Variants in MED13L observed in about 807,000 individuals in gnomAD.
MED13L encodes mediator of RNA polymerase II transcription subunit 13-like.
Under a neutral mutation model 220.9 loss-of-function variants are expected in MED13L, and 7 were observed. The ratio of observed to expected loss-of-function variants is 0.03; its 90% confidence interval spans 0.02 to 0.06. The LOEUF (loss-of-function observed/expected upper bound fraction) is 0.06. Among genes scored for constraint, MED13L ranks in the 10% least tolerant of loss-of-function variants. The probability of loss-of-function intolerance (pLI) is 1.00; values close to 1 mark genes in which losing one functional copy is unlikely to be tolerated. For missense variants in MED13L, 1,965 were observed against 2,760.5 expected, an observed-to-expected ratio of 0.71 and a Z score of 6.46; for synonymous variants, 1,011 against 1,015.2, an observed-to-expected ratio of 1.00 and a Z score of 0.08.
At chr12:115,968,061 C>CG (rs1006019842) in intron 28 of MED13L, among the ~76,000 whole-genome samples, 4 of 132,102 alleles carry the variant, frequency 3.0e-5, no homozygotes, top group Admixed American at 7.4e-5. Context: ...AGTCCCCCCC[C>CG]CCCCCCGATG....
intron 2 of MED13L, among the ~76,000 whole-genome samples, chr12:116,221,820 T>C (rs918822006): frequency 6.6e-6 from 1 of 152,174 alleles, no homozygotes; most frequent in Non-Finnish European, 1.5e-5. Context: ...AAACTAATTT[T>C]TAAGGGATTA....
Position 115,992,830 on chromosome 12 carries a change from A to T in MED13L, c.2997-873T>A, listed in dbSNP as rs576135313. On this transcript the variant is annotated intron_variant, in intron 16 of 30. Coordinates refer to ENST00000281928, the MANE Select transcript of MED13L (RefSeq NM_015335.5). The stretch of plus-strand genomic sequence containing the variant: ...TGGGCTATGTTATCTACTTTCTCAT[A>T]AGCAGTGACTTCTTTTTGGAACAGC... 9.4e-4 allele frequency among the ~76,000 whole-genome samples: 143 copies of T among 152,304 alleles called. 1 individual carries two copies. Among genetic ancestry groups the T allele is most frequent in the African/African-American group, 3.3e-3 (138 of 41,566 alleles).
At chr12:116,252,027 G>A (rs187606751) in intron 1 of MED13L, among the ~76,000 whole-genome samples, 25 of 151,838 alleles carry the variant, frequency 1.6e-4, no homozygotes, top group Non-Finnish European at 1.3e-4. Flanking sequence ...CCTAATAACA[G>A]AGCTTCAAAA....
At chr12:116,076,315 C>CTG in intron 4 of MED13L, among the ~76,000 whole-genome samples, 1 of 152,204 alleles carries the variant, frequency 6.6e-6, no homozygotes, top group East Asian at 1.9e-4. Flanking sequence ...TAACAGAGGA[C>CTG]TGCTTGAGAC....
chr12:115,988,971 G>A (rs781712041), intron 17 of MED13L, among the ~76,000 whole-genome samples: 28 of 152,170 alleles, frequency 1.8e-4, no homozygotes, highest in Non-Finnish European at 3.2e-4. Context: ...AAGGCACTGT[G>A]CTTGAACCTA....
chr12:116,254,539 AG>A (rs754556492), intron 1 of MED13L, among the ~76,000 whole-genome samples: 2 of 152,074 alleles, frequency 1.3e-5, no homozygotes, highest in Non-Finnish European at 2.9e-5. Context: ...ACTTTAGGTC[AG>A]GAGTTCAAGA....
At chr12:116,093,635 G>A (rs1176388749) in intron 4 of MED13L, among the ~76,000 whole-genome samples, 1 of 151,722 alleles carries the variant, frequency 6.6e-6, no homozygotes, top group Non-Finnish European at 1.5e-5. Flanking sequence ...TGAGAAATTA[G>A]TAATACTAAT....
At chr12:116,258,419 C>T (rs1309751551) in intron 1 of MED13L, among the ~76,000 whole-genome samples, 1 of 152,042 alleles carries the variant, frequency 6.6e-6, no homozygotes, top group Admixed American at 6.6e-5. Context: ...GAGGTGAGAA[C>T]ATGTAAAGGT....
At chr12:116,006,517 C>A in intron 11 of MED13L, 106 bp from the exon 12 acceptor site, 1 of 879,258 alleles carries the variant, frequency 1.1e-6, no homozygotes, top group Non-Finnish European at 1.9e-6. Context: ...TTGTTATGAG[C>A]ACAAGTATGA....
chr12:116,022,133 T>C (rs1370170207), intron 5 of MED13L, among the ~76,000 whole-genome samples: 1 of 152,230 alleles, frequency 6.6e-6, no homozygotes, highest in Non-Finnish European at 1.5e-5. Flanking sequence ...AATTTGTGAC[T>C]TTGGTCAATT....
At chr12:116,077,919 G>A (rs562189884) in intron 4 of MED13L, among the ~76,000 whole-genome samples, 3 of 152,306 alleles carry the variant, frequency 2.0e-5, no homozygotes, top group East Asian at 3.9e-4. Flanking sequence ...TTGGGAGGCC[G>A]AGGCGTGTAG....
At chr12:116,227,817 CAA>C (rs1173527185) in intron 2 of MED13L, among the ~76,000 whole-genome samples, 1 of 151,914 alleles carries the variant, frequency 6.6e-6, no homozygotes, top group African/African-American at 2.4e-5. Flanking sequence ...TACTTTATAT[CAA>C]AAGTGAGAAA....
intron 2 of MED13L, among the ~76,000 whole-genome samples, chr12:116,164,019 A>G (rs1391926615): frequency 6.6e-6 from 1 of 152,224 alleles, no homozygotes; most frequent in Non-Finnish European, 1.5e-5. Flanking sequence ...TAAGTTCAAT[A>G]GTAAGAGATG....
chr12:116,048,192 C>G (rs1017250594), intron 4 of MED13L, among the ~76,000 whole-genome samples: 1 of 152,110 alleles, frequency 6.6e-6, no homozygotes, highest in African/African-American at 2.4e-5. Flanking sequence ...CCGTGCCTAT[C>G]ACTAGTCACA....
chr12:116,060,395 C>T (rs372501432), intron 4 of MED13L, among the ~76,000 whole-genome samples: 7 of 151,602 alleles, frequency 4.6e-5, no homozygotes, highest in African/African-American at 1.2e-4. Flanking sequence ...CTGGGCAACA[C>T]GGTAAAACCC....
At chr12:116,229,358 T>C (rs1869321031) in intron 2 of MED13L, among the ~76,000 whole-genome samples, 1 of 152,242 alleles carries the variant, frequency 6.6e-6, no homozygotes, top group South Asian at 2.1e-4. Context: ...AGGTTTACTT[T>C]ATATAAGTAG....
intron 26 of MED13L, 78 bp from the exon 27 acceptor site, chr12:115,970,848 T>C (rs914790314): frequency 1.5e-6 from 2 of 1,354,132 alleles, no homozygotes; most frequent in Non-Finnish European, 2.1e-6. Context: ...TGATCTGGAG[T>C]GGTATGAGTC....
rs1448569931 is a variant in MED13L at position 116,276,802 on chromosome 12, C to A, written c.72+258G>T. ...GAAGTGCGACCCAGAATCCGCAGCT[C>A]CGAGACTTCCACATGCAAATTCCAC... On this transcript the variant is annotated intron_variant, in intron 1 of 30. Transcript: ENST00000281928. 6 of 1,213,582 alleles carry A rather than the reference C, an allele frequency of 4.9e-6. No homozygotes were observed. In the African/African-American group the frequency reaches 9.3e-5, roughly 19 times the overall value. 75.2% of individuals were successfully genotyped at this position (1,213,582 alleles called of 1,614,324 possible). A position where few individuals can be genotyped will look rare whatever the true frequency, so the allele number is the denominator to read the frequency against.
intron 2 of MED13L, chr12:116,230,327 G>A (rs1288414923): frequency 9.4e-6 from 2 of 213,502 alleles, no homozygotes; most frequent in African/African-American, 2.4e-5. Context: ...TTGAACCAGC[G>A]AGGCAGAGGC....
Sources: allele counts gnomAD v4.1 joint callset (sites outside exome capture counted in the v4.1 genomes callset), GRCh38; gene constraint gnomAD v4.1.1; transcripts MANE v1.5; gene names NCBI Gene and HGNC (gene_info 2026-07-23, HGNC 2026-07-21).